ERBB4: variants seen among roughly 807,000 people sequenced by gnomAD.
The protein encoded by ERBB4 is erb-b2 receptor tyrosine kinase 4.
Under a neutral mutation model 158.0 loss-of-function variants are expected in ERBB4, and 42 were observed. The observed-to-expected ratio is 0.27, with a 90% CI of 0.21 to 0.34. The LOEUF (loss-of-function observed/expected upper bound fraction) is 0.34. Among genes scored for constraint, ERBB4 ranks in the 10% least tolerant of loss-of-function variants. The pLI is 1.00. For synonymous variants in ERBB4, 583 were observed against 558.7 expected, an observed-to-expected ratio of 1.04 and a Z score of -0.61; for missense variants, 1,333 against 1,624.1, an observed-to-expected ratio of 0.82 and a Z score of 3.08.
intron 2 of ERBB4, among the ~76,000 whole-genome samples, chr2:212,050,014 T>A (rs964484625): frequency 4.6e-5 from 7 of 152,176 alleles, no homozygotes; most frequent in African/African-American, 1.7e-4. Context: ...ATAGTGGTAT[T>A]AGAAAGGAAC....
intron 15 of ERBB4, among the ~76,000 whole-genome samples, chr2:211,659,767 A>G (rs2071349935): frequency 6.6e-6 from 1 of 152,192 alleles, no homozygotes; most frequent in African/African-American, 2.4e-5. Context: ...AGAAAAAAAG[A>G]TGAATTAGAC....
At chr2:212,280,998 C>T (rs1449728121) in intron 1 of ERBB4, among the ~76,000 whole-genome samples, 1 of 151,616 alleles carries the variant, frequency 6.6e-6, no homozygotes, top group Non-Finnish European at 1.5e-5. Context: ...TGAAATTAAG[C>T]AGGAAAAAGA....
chr2:211,576,662 T>C (rs2067902115), intron 19 of ERBB4, among the ~76,000 whole-genome samples: 1 of 152,140 alleles, frequency 6.6e-6, no homozygotes, highest in Non-Finnish European at 1.5e-5. Context: ...TAAAAAGACA[T>C]ATATCCTACT....
chr2:211,905,122 C>T (rs1043186417), intron 3 of ERBB4, among the ~76,000 whole-genome samples: 31 of 152,064 alleles, frequency 2.0e-4, no homozygotes, highest in African/African-American at 7.2e-4. Flanking sequence ...GTTCACAAGT[C>T]TGAAATGGGT....
At chr2:212,388,204 G>A (rs1272576665) in intron 1 of ERBB4, among the ~76,000 whole-genome samples, 2 of 152,040 alleles carry the variant, frequency 1.3e-5, no homozygotes, top group African/African-American at 4.8e-5. Context: ...TATTAAAATA[G>A]GAAGAAGTAA....
chr2:211,389,989 A>G (rs551459842), intron 25 of ERBB4, among the ~76,000 whole-genome samples: 10 of 152,312 alleles, frequency 6.6e-5, no homozygotes, highest in African/African-American at 2.4e-4. Flanking sequence ...CCTTAAATAT[A>G]GGCATGTTTT....
chr2:211,622,990 A>AATATATATATATAT (rs1165877419), intron 18 of ERBB4, among the ~76,000 whole-genome samples: 1 of 21,872 alleles, frequency 4.6e-5, no homozygotes, highest in Non-Finnish European at 7.3e-5. Flanking sequence ...AAAAAAAAAA[A>AATATATATATATAT]ATATATATAT....
intron 5 of ERBB4, among the ~76,000 whole-genome samples, chr2:211,749,836 C>A (rs1029561580): frequency 6.6e-6 from 1 of 152,048 alleles, no homozygotes; most frequent in Non-Finnish European, 1.5e-5. Context: ...TATATTTCAA[C>A]TTGTCACTAT....
At chr2:212,245,662 G>A (rs1282942684) in intron 1 of ERBB4, among the ~76,000 whole-genome samples, 2 of 152,042 alleles carry the variant, frequency 1.3e-5, no homozygotes, top group African/African-American at 2.4e-5. Flanking sequence ...AGAATGTCAC[G>A]AAGGCCTGAT....
At chr2:212,489,998 T>C (rs1433147358) in intron 1 of ERBB4, among the ~76,000 whole-genome samples, 1 of 151,834 alleles carries the variant, frequency 6.6e-6, no homozygotes, top group African/African-American at 2.4e-5. Flanking sequence ...TCTAAGAATA[T>C]TGAACTACTT....
At chr2:211,947,379 G>A in intron 3 of ERBB4, 51 bp downstream of exon 3, 1 of 1,406,734 alleles carries the variant, frequency 7.1e-7, no homozygotes, top group Non-Finnish European at 1.0e-6. Context: ...ATATACAATT[G>A]CCTTATATTG....
chr2:211,573,385 G>C (rs984358258), intron 19 of ERBB4, among the ~76,000 whole-genome samples: 1 of 152,030 alleles, frequency 6.6e-6, no homozygotes, highest in African/African-American at 2.4e-5. Context: ...AATTGTTTCA[G>C]AAGCACCAGG....
chr2:212,372,542 G>A (rs2090125218), intron 1 of ERBB4, among the ~76,000 whole-genome samples: 1 of 152,040 alleles, frequency 6.6e-6, no homozygotes, highest in Non-Finnish European at 1.5e-5. Flanking sequence ...AAATTCAAGA[G>A]ATCAAGACCA....
At chr2:212,094,977 C>G (rs2078885589) in intron 2 of ERBB4, among the ~76,000 whole-genome samples, 1 of 147,994 alleles carries the variant, frequency 6.8e-6, no homozygotes, top group African/African-American at 2.4e-5. Context: ...TATGAAATTC[C>G]TCAGCACAAT....
At chr2:211,727,096 A>G (rs2074292710) in intron 5 of ERBB4, among the ~76,000 whole-genome samples, 1 of 152,320 alleles carries the variant, frequency 6.6e-6, no homozygotes, top group Middle Eastern at 3.4e-3. Context: ...TGAACAAGCA[A>G]GAAGATAAAG....
chr2:211,415,411 G>A (rs1008616303), intron 25 of ERBB4, among the ~76,000 whole-genome samples: 3 of 152,086 alleles, frequency 2.0e-5, no homozygotes, highest in South Asian at 2.1e-4. Flanking sequence ...GAGCCACCGC[G>A]CCCGGCCTGA....
At chr2:211,699,506 A>G (rs920371528) in intron 12 of ERBB4, among the ~76,000 whole-genome samples, 3 of 152,146 alleles carry the variant, frequency 2.0e-5, no homozygotes, top group African/African-American at 7.2e-5. Flanking sequence ...GGCATATGGA[A>G]TTTTTATGGA....
Position 212,358,655 on chromosome 2 carries a change from G to T in ERBB4, c.82+179794C>A, listed in dbSNP as rs556491949. Among the ~76,000 whole-genome samples, 7 of 151,758 alleles carry T rather than the reference G, an allele frequency of 4.6e-5. No homozygotes were observed. The East Asian group carries it at 1.4e-3, about 29-fold the overall frequency. ...TACCCTGTTTAAATTATGAATCAAT[G>T]ATTTAAGTAACATGAAAAATGATAG... On this transcript the variant is annotated intron_variant, in intron 1 of 27. Transcript: ENST00000342788.
chr2:212,326,359 C>T (rs970651818), intron 1 of ERBB4, among the ~76,000 whole-genome samples: 2 of 150,526 alleles, frequency 1.3e-5, no homozygotes, highest in Admixed American at 6.6e-5. Context: ...TTAAAGACCT[C>T]GTCTTCAAGC....
Sources: allele counts gnomAD v4.1 joint callset (sites outside exome capture counted in the v4.1 genomes callset), GRCh38; gene constraint gnomAD v4.1.1; transcripts MANE v1.5; gene names NCBI Gene and HGNC (gene_info 2026-07-23, HGNC 2026-07-21).